Variants in ZNF365 observed in about 807,000 individuals in gnomAD.
The protein encoded by ZNF365 is zinc finger protein 365, also known as protein ZNF365.
ZNF365 carries 22 observed loss-of-function variants against 35.0 expected under a neutral mutation model. That is an observed-to-expected ratio of 0.63 (90% CI 0.45 to 0.90). ZNF365 has a LOEUF of 0.90. Among genes scored for constraint, ZNF365 ranks in the 40% least tolerant of loss-of-function variants. The probability of loss-of-function intolerance (pLI) is 0.00; values close to 1 mark genes in which losing one functional copy is unlikely to be tolerated. For missense variants in ZNF365, 448 were observed against 500.3 expected (o/e 0.90, Z 1.00); for synonymous variants, 188 against 196.2 (o/e 0.96, Z 0.35).
At chr10:62,453,518 T>C (rs1840717395) in intron 3 of ZNF365, among the ~76,000 whole-genome samples, 2 of 152,264 alleles carry the variant, frequency 1.3e-5, no homozygotes, top group Non-Finnish European at 2.9e-5. Context: ...ATTTTCCTTA[T>C]CCAATCATCT....
chr10:62,465,220 T>C (rs1168148451), intron 4 of ZNF365, among the ~76,000 whole-genome samples: 1 of 152,188 alleles, frequency 6.6e-6, no homozygotes, highest in Non-Finnish European at 1.5e-5. Context: ...AGGTTGCACA[T>C]GCTTGGAGCA....
chr10:62,435,375 AT>A (rs1840392083), intron 3 of ZNF365, among the ~76,000 whole-genome samples: 1 of 152,066 alleles, frequency 6.6e-6, no homozygotes, highest in Non-Finnish European at 1.5e-5. Flanking sequence ...AGAAGGTTTC[AT>A]TTTTTGCCTC....
intron 3 of ZNF365, among the ~76,000 whole-genome samples, chr10:62,442,274 A>T (rs538515805): frequency 6.6e-6 from 1 of 152,316 alleles, no homozygotes; most frequent in East Asian, 1.9e-4. Context: ...GATAGAATTT[A>T]AAGAGCCAGG....
chr10:62,445,862 C>T (rs766193605), intron 3 of ZNF365, among the ~76,000 whole-genome samples: 3 of 152,088 alleles, frequency 2.0e-5, no homozygotes, highest in Non-Finnish European at 4.4e-5. Flanking sequence ...GGTAGGGTCC[C>T]CATATGTGTA....
At chr10:62,398,713 C>G in intron 3 of ZNF365, 27 bp from the exon 4 acceptor site, 3 of 1,606,632 alleles carry the variant, frequency 1.9e-6, no homozygotes, top group Non-Finnish European at 1.7e-6. Flanking sequence ...ATGCAGTTAA[C>G]ATTTTTTCTT....
chr10:62,386,215 G>A (rs1839523827), intron 2 of ZNF365, among the ~76,000 whole-genome samples: 1 of 152,214 alleles, frequency 6.6e-6, no homozygotes, highest in Non-Finnish European at 1.5e-5. Context: ...CATGTAGGAA[G>A]CAGATCAAAG....
intron 4 of ZNF365, among the ~76,000 whole-genome samples, chr10:62,460,666 T>C (rs759343334): frequency 6.6e-6 from 1 of 152,162 alleles, no homozygotes. Context: ...CTAAGAGAGA[T>C]ACAAATCAGG....
chr10:62,465,309 C>T (rs972526390), intron 4 of ZNF365, among the ~76,000 whole-genome samples: 1 of 152,138 alleles, frequency 6.6e-6, no homozygotes, highest in African/African-American at 2.4e-5. Flanking sequence ...AGAGGGAGGC[C>T]AGGGTACTGA....
chr10:62,394,574 G>A (rs531435429), intron 3 of ZNF365, among the ~76,000 whole-genome samples: 5 of 152,166 alleles, frequency 3.3e-5, no homozygotes, highest in East Asian at 1.9e-4. Context: ...TGTCTAATTC[G>A]GCACCATTTT....
intron 3 of ZNF365, among the ~76,000 whole-genome samples, chr10:62,420,006 C>T (rs1840141343): frequency 6.6e-6 from 1 of 151,880 alleles, no homozygotes; most frequent in Non-Finnish European, 1.5e-5. Context: ...ATGTTTTCTC[C>T]TTTATTGAAT....
chr10:62,388,374 T>G, intron 2 of ZNF365, 22 bp from the exon 3 acceptor site: 1 of 1,613,962 alleles, frequency 6.2e-7, no homozygotes, highest in Non-Finnish European at 8.5e-7. Flanking sequence ...CCCTTTTGTG[T>G]TCTGACATTT....
chr10:62,411,513 G>A (rs936799593), intron 3 of ZNF365, among the ~76,000 whole-genome samples: 29 of 151,952 alleles, frequency 1.9e-4, no homozygotes, highest in Admixed American at 1.1e-3. Context: ...CAGTTCTTCT[G>A]GCACTATTTA....
chr10:62,402,253 A>T lies in ZNF365; in HGVS notation c.*2464A>T. The stretch of plus-strand genomic sequence containing the variant: ...CTTGTAGGGAAGAAATCTTCCTTTG[A>T]ACCGCTTTTCTTGCTTTTTCCCTTT... On this transcript the variant is annotated 3_prime_UTR_variant, in exon 5 of 5. Coordinates refer to ENST00000395254, the MANE Select transcript of ZNF365 (RefSeq NM_014951.3). 1.0e-6 allele frequency: 1 copy of T among 985,806 alleles called. No individual in the cohort carries two copies. The highest frequency in any genetic ancestry group is 1.2e-6 in the Non-Finnish European group (1 of 829,868). The allele number at this position is 985,806 out of a possible 1,614,324, so 61.1% of individuals were successfully genotyped here.
chr10:62,383,856 G>A (rs1839480724), intron 2 of ZNF365, among the ~76,000 whole-genome samples: 1 of 152,188 alleles, frequency 6.6e-6, no homozygotes, highest in African/African-American at 2.4e-5. Flanking sequence ...ACGCATGTGT[G>A]AATGGATATA....
At position 62,474,326 on chromosome 10, in the gene ZNF365, T is replaced by C. The variant is rs1303167439; in HGVS notation, c.982-5550T>C. 2.0e-5 allele frequency among the ~76,000 whole-genome samples: 3 copies of C among 152,208 alleles called. No individual in the cohort carries two copies. In the East Asian group the frequency reaches 5.8e-4, roughly 29 times the overall value. On this transcript the variant is annotated intron_variant, in intron 4 of 4. Coordinates refer to the ZNF365 transcript ENST00000395255. Reference sequence around the variant, plus strand: ...CAACAGGTGTCTCCACCACACTTAGTTTGCCTTTTGATTTCTGGATGGAGT... The same window carrying C: ...CAACAGGTGTCTCCACCACACTTAGCTTGCCTTTTGATTTCTGGATGGAGT...
intron 3 of ZNF365, among the ~76,000 whole-genome samples, chr10:62,423,515 G>A (rs1380402622): frequency 6.6e-6 from 1 of 152,150 alleles, no homozygotes; most frequent in Non-Finnish European, 1.5e-5. Context: ...CAGAATATTA[G>A]TTTTGATAGC....
At chr10:62,464,958 C>G (rs1840914339) in intron 4 of ZNF365, among the ~76,000 whole-genome samples, 1 of 152,190 alleles carries the variant, frequency 6.6e-6, no homozygotes, top group African/African-American at 2.4e-5. Flanking sequence ...GCAGGTGGTG[C>G]CAACAGGAGC....
chr10:62,385,363 A>G (rs991837814), intron 2 of ZNF365, among the ~76,000 whole-genome samples: 2 of 152,236 alleles, frequency 1.3e-5, no homozygotes, highest in East Asian at 1.9e-4. Context: ...ATTAAAATTA[A>G]TATTAAAAAT....
intron 4 of ZNF365, among the ~76,000 whole-genome samples, chr10:62,475,553 A>G (rs369681945): frequency 1.8e-4 from 28 of 152,312 alleles, no homozygotes; most frequent in African/African-American, 6.7e-4. Context: ...AAATTACAAA[A>G]CTTTGAGAGA....
Sources: allele counts gnomAD v4.1 joint callset (sites outside exome capture counted in the v4.1 genomes callset), GRCh38; gene constraint gnomAD v4.1.1; transcripts MANE v1.5; gene names NCBI Gene and HGNC (gene_info 2026-07-23, HGNC 2026-07-21).